TMEM45A: variants seen among roughly 807,000 people sequenced by gnomAD.
TMEM45A encodes the protein transmembrane protein 45A.
Under a neutral mutation model 32.0 loss-of-function variants are expected in TMEM45A, and 25 were observed. The observed-to-expected ratio is 0.78, with a 90% CI of 0.57 to 1.09. TMEM45A has a LOEUF of 1.09. Among genes scored for constraint, TMEM45A ranks in the 50% least tolerant of loss-of-function variants. The pLI is 0.00. For synonymous variants in TMEM45A, 122 were observed against 114.8 expected (o/e 1.06, Z -0.40); for missense variants, 302 against 325.0 (o/e 0.93, Z 0.54).
At chr3:100,493,120 C>CTTTTT (rs570241165) in intron 1 of TMEM45A, among the ~76,000 whole-genome samples, 192 bp downstream of exon 1, 491 of 115,634 alleles carry the variant, frequency 4.2e-3, no homozygotes, top group East Asian at 7.7e-3. Context: ...GTTTGCTATT[C>CTTTTT]TTTTTTTTTT....
intron 1 of TMEM45A, among the ~76,000 whole-genome samples, chr3:100,495,934 G>T (rs1707919802): frequency 6.6e-6 from 1 of 152,196 alleles, no homozygotes; most frequent in African/African-American, 2.4e-5. Flanking sequence ...CCTGCTGATA[G>T]AATCATCTAC....
chr3:100,576,060 C>T (rs182885968), intron 5 of TMEM45A, among the ~76,000 whole-genome samples: 4 of 152,238 alleles, frequency 2.6e-5, no homozygotes, highest in East Asian at 3.9e-4. Flanking sequence ...TGCCTATAAT[C>T]GGAGCACTTT....
At chr3:100,511,583 A>G (rs1388127017) in intron 1 of TMEM45A, among the ~76,000 whole-genome samples, 3 of 152,160 alleles carry the variant, frequency 2.0e-5, no homozygotes, top group African/African-American at 7.2e-5. Flanking sequence ...CAAAATAACC[A>G]GCTAACATCA....
intron 1 of TMEM45A, among the ~76,000 whole-genome samples, chr3:100,495,576 C>T (rs183638683): frequency 5.9e-5 from 9 of 152,156 alleles, no homozygotes; most frequent in Non-Finnish European, 8.8e-5. Flanking sequence ...GATGGCAAGC[C>T]GAACTGTCAG....
chr3:100,495,356 G>C (rs781101229), intron 1 of TMEM45A, among the ~76,000 whole-genome samples: 4 of 152,200 alleles, frequency 2.6e-5, no homozygotes, highest in Non-Finnish European at 4.4e-5. Flanking sequence ...GATTATAGAG[G>C]AGCAGGAACA....
chr3:100,510,409 C>A (rs1708141110), intron 1 of TMEM45A, among the ~76,000 whole-genome samples: 1 of 152,174 alleles, frequency 6.6e-6, no homozygotes, highest in South Asian at 2.1e-4. Flanking sequence ...GCTGAGGGTC[C>A]TGTCTGTTAG....
chr3:100,514,766 T>A (rs1284861021), intron 1 of TMEM45A, among the ~76,000 whole-genome samples: 21 of 151,932 alleles, frequency 1.4e-4, no homozygotes, highest in South Asian at 4.2e-4. Context: ...CAATGAACTC[T>A]AACAAATTTA....
intron 1 of TMEM45A, among the ~76,000 whole-genome samples, chr3:100,494,614 AGAGT>A (rs1707895912): frequency 1.3e-5 from 2 of 151,236 alleles, no homozygotes; most frequent in African/African-American, 4.9e-5. Flanking sequence ...CTCTGGTGAC[AGAGT>A]GAGACTCCGT....
intron 1 of TMEM45A, among the ~76,000 whole-genome samples, chr3:100,550,074 T>C (rs1316405229): frequency 2.8e-5 from 4 of 144,992 alleles, no homozygotes; most frequent in Admixed American, 6.8e-5. Flanking sequence ...AGGGATAGCA[T>C]TGGGAGATAT....
intron 1 of TMEM45A, among the ~76,000 whole-genome samples, chr3:100,536,045 A>G (rs969858395): frequency 6.6e-6 from 1 of 152,206 alleles, no homozygotes; most frequent in Non-Finnish European, 1.5e-5. Flanking sequence ...GGTGACATTT[A>G]TCAATATCCA....
intron 1 of TMEM45A, among the ~76,000 whole-genome samples, chr3:100,534,489 A>G (rs531590249): frequency 1.3e-5 from 2 of 152,232 alleles, no homozygotes; most frequent in Non-Finnish European, 2.9e-5. Flanking sequence ...TTGAAGATGG[A>G]GGAAGAGGCC....
At chr3:100,530,414 A>T (rs1194828422) in intron 1 of TMEM45A, among the ~76,000 whole-genome samples, 1 of 152,202 alleles carries the variant, frequency 6.6e-6, no homozygotes, top group Non-Finnish European at 1.5e-5. Context: ...CCTTCAACTG[A>T]TTGAATGACT....
At chr3:100,513,225 A>C (rs2148939005) in intron 1 of TMEM45A, among the ~76,000 whole-genome samples, 1 of 151,996 alleles carries the variant, frequency 6.6e-6, no homozygotes, top group African/African-American at 2.4e-5. Flanking sequence ...AAAAATCCTC[A>C]ATAAAATACT....
chr3:100,577,002 C>CAGA lies in TMEM45A; in HGVS notation c.820_822dup (p.Glu274dup). The stretch of plus-strand genomic sequence containing the variant: ...AAAAATGCTGAACGAGAACAAGAAT[C>CAGA]AGAAGAAGAAATGTGACTTTGATGA... On this transcript the variant is annotated inframe_insertion, in exon 6 of 6. Coordinates refer to ENST00000323523, the MANE Select transcript of TMEM45A (RefSeq NM_018004.3). 1 of 1,613,026 alleles carries CAGA rather than the reference C, an allele frequency of 6.2e-7. No individual in the cohort carries two copies. The highest frequency in any genetic ancestry group is 8.5e-7 in the Non-Finnish European group (1 of 1,179,702).
At chr3:100,543,023 C>A (rs1354112445) in intron 1 of TMEM45A, among the ~76,000 whole-genome samples, 1 of 152,110 alleles carries the variant, frequency 6.6e-6, no homozygotes, top group Non-Finnish European at 1.5e-5. Flanking sequence ...CACATGTATC[C>A]ACTGAATCAT....
intron 1 of TMEM45A, among the ~76,000 whole-genome samples, chr3:100,538,414 C>T (rs1057213086): frequency 6.6e-6 from 1 of 152,084 alleles, no homozygotes; most frequent in African/African-American, 2.4e-5. Context: ...ACTTTCTCAA[C>T]TTGATACAGA....
chr3:100,569,727 TCTTC>T (rs59625625), intron 5 of TMEM45A, among the ~76,000 whole-genome samples: 19,863 of 152,192 alleles, frequency 0.13, 1,564 homozygotes, highest in East Asian at 0.32. Context: ...CTCCCTCTCC[TCTTC>T]CTTATTCCTC....
At chr3:100,569,868 C>G (rs1706523855) in intron 5 of TMEM45A, among the ~76,000 whole-genome samples, 1 of 152,134 alleles carries the variant, frequency 6.6e-6, no homozygotes, top group African/African-American at 2.4e-5. Flanking sequence ...AGTAGAAGAA[C>G]AAAGCACTCT....
intron 1 of TMEM45A, among the ~76,000 whole-genome samples, chr3:100,527,350 A>T (rs1576271582): frequency 6.6e-6 from 1 of 152,358 alleles, no homozygotes; most frequent in East Asian, 1.9e-4. Context: ...TATTTTAAAA[A>T]TCTGTTCAAA....
Sources: gnomAD v4.1 joint callset for allele counts (sites outside exome capture counted in the v4.1 genomes callset) on GRCh38, gnomAD v4.1.1 for gene constraint, MANE v1.5 for transcripts, NCBI Gene and HGNC (gene_info 2026-07-23, HGNC 2026-07-21) for gene names.